The following ADAMTS12 variants were observed in gnomAD, a reference collection of about 807,000 sequenced individuals.
ADAMTS12 encodes the protein A disintegrin and metalloproteinase with thrombospondin motifs 12.
In ADAMTS12, 118 loss-of-function variants were observed where a neutral mutation model predicts 167.8. The observed-to-expected ratio is 0.70, with a 90% CI of 0.61 to 0.82. ADAMTS12 has a LOEUF of 0.82. ADAMTS12 is among the 40% of genes least tolerant of loss of function. The probability of loss-of-function intolerance (pLI) is 0.00; values close to 1 mark genes in which losing one functional copy is unlikely to be tolerated. For missense variants in ADAMTS12, 1,916 were observed against 1,998.8 expected, an observed-to-expected ratio of 0.96 and a Z score of 0.79; for synonymous variants, 704 against 716.9, an observed-to-expected ratio of 0.98 and a Z score of 0.29.
intron 19 of ADAMTS12, among the ~76,000 whole-genome samples, chr5:33,573,862 A>G (rs1746522147): frequency 6.6e-6 from 1 of 152,242 alleles, no homozygotes; most frequent in Non-Finnish European, 1.5e-5. Context: ...CAAAGGGCTA[A>G]TATCCAGAAT....
chr5:33,710,740 T>A (rs1743370051), intron 3 of ADAMTS12, among the ~76,000 whole-genome samples: 2 of 152,136 alleles, frequency 1.3e-5, no homozygotes, highest in African/African-American at 4.8e-5. Flanking sequence ...GATAGCATGA[T>A]CTAGAAGCAT....
chr5:33,576,999 A>G lies in ADAMTS12; in HGVS notation c.3027T>C (p.Thr1009=). Residue 1009 remains threonine (T), a synonymous_variant, in exon 19 of 24, where the codon ACT becomes ACC. Coordinates refer to ENST00000504830, the MANE Select transcript of ADAMTS12 (RefSeq NM_030955.4). The stretch of plus-strand genomic sequence containing the variant: ...TTGGTGGGTTTTTTCCATTGGAAAT[A>G]GTGCCTTTGTTTGGTTTCAGAACTC... ...SRRVLKPNKG[T]ISNGKNPPTL... is the part of the protein sequence containing the mutation. 1 of 1,614,192 alleles carries G rather than the reference A, an allele frequency of 6.2e-7. No individual in the cohort carries two copies. The highest frequency in any genetic ancestry group is 8.5e-7 in the Non-Finnish European group (1 of 1,180,044).
Position 33,891,881 on chromosome 5 carries a change from A to T in ADAMTS12, c.-25T>A. On this transcript the variant is annotated 5_prime_UTR_variant, in exon 1 of 24. Transcript: ENST00000504830. The stretch of plus-strand genomic sequence containing the variant: ...TGATTCAGATGTTGAGGAGAAGAAA[A>T]GTCAAAAAAGTTTTAGCCCTCAGCT... 1 of 1,605,756 alleles carries T rather than the reference A, an allele frequency of 6.2e-7. No individual in the cohort carries two copies. The highest frequency in any genetic ancestry group is 8.5e-7 in the Non-Finnish European group (1 of 1,176,476).
chr5:33,641,761 C>T lies in ADAMTS12; in HGVS notation c.1718+49G>A, dbSNP rs368213807. The T allele has an allele frequency of 1.5e-5, 22 of 1,490,736 alleles. No homozygotes were observed. The East Asian group carries it at 1.9e-4, about 13-fold the overall frequency. 92.3% of individuals were successfully genotyped at this position (1,490,736 alleles called of 1,614,324 possible). On this transcript the variant is annotated intron_variant, in intron 11 of 23. Transcript: ENST00000504830. ...TGCCATTCAAGACTGCCCCCCATCC[C>T]GCCCCCAGCACATGTGGAGAGAAGG...
At chr5:33,592,421 G>C (rs999838616) in intron 17 of ADAMTS12, among the ~76,000 whole-genome samples, 5 of 152,180 alleles carry the variant, frequency 3.3e-5, no homozygotes, top group Non-Finnish European at 2.9e-5. Flanking sequence ...GAGGTTTATT[G>C]AGTACTTTGG....
intron 11 of ADAMTS12, among the ~76,000 whole-genome samples, chr5:33,640,692 TA>T (rs1383117377): frequency 2.6e-5 from 4 of 152,084 alleles, no homozygotes; most frequent in African/African-American, 9.7e-5. Context: ...TGCATGCTTA[TA>T]AATGTGGTAA....
intron 2 of ADAMTS12, among the ~76,000 whole-genome samples, chr5:33,817,882 T>G (rs1485729472): frequency 6.6e-6 from 1 of 152,188 alleles, no homozygotes; most frequent in Non-Finnish European, 1.5e-5. Context: ...ATCATGTAAA[T>G]CTTTCCATAG....
chr5:33,778,497 T>C (rs1314360220), intron 2 of ADAMTS12, among the ~76,000 whole-genome samples: 4 of 149,418 alleles, frequency 2.7e-5, no homozygotes, highest in East Asian at 1.9e-4. Context: ...TGAAGCCTTA[T>C]CTCATACCAT....
intron 18 of ADAMTS12, among the ~76,000 whole-genome samples, chr5:33,583,085 ATTCT>A (rs1489374411): frequency 3.8e-5 from 2 of 52,128 alleles, no homozygotes; most frequent in Admixed American, 5.2e-4. Context: ...GGTCTTATTC[ATTCT>A]TTCTATTTTT....
At chr5:33,743,555 T>C (rs571596272) in intron 3 of ADAMTS12, among the ~76,000 whole-genome samples, 1 of 152,322 alleles carries the variant, frequency 6.6e-6, no homozygotes, top group Admixed American at 6.5e-5. Context: ...CTCTCAGGCC[T>C]CCATCTCTAC....
At chr5:33,623,937 G>T (rs147837651) in intron 14 of ADAMTS12, among the ~76,000 whole-genome samples, 1 of 152,160 alleles carries the variant, frequency 6.6e-6, no homozygotes, top group Non-Finnish European at 1.5e-5. Flanking sequence ...GTTCCCAAAG[G>T]GGATCCTCTC....
rs781638029 is a variant in ADAMTS12, at chr5:33,630,912, T to C, written c.1890A>G (p.Ala630=). ...LYHWFPIFNP[A]HPCELYCRPI... Reference sequence around the variant, plus strand: ...GTCGGCAGTAGAGCTCACAAGGATGTGCTGAAGGGAAAAAAGAAGGCAAAG... The same window carrying C: ...GTCGGCAGTAGAGCTCACAAGGATGCGCTGAAGGGAAAAAAGAAGGCAAAG... Residue 630 remains alanine (A), a splice_region_variant and synonymous_variant, in exon 13 of 24, where the codon GCA becomes GCG. Coordinates refer to ENST00000504830, the MANE Select transcript of ADAMTS12 (RefSeq NM_030955.4). 6.2e-7 allele frequency: 1 copy of C among 1,611,838 alleles called. No homozygotes were observed. Among genetic ancestry groups the C allele is most frequent in the Non-Finnish European group, 8.5e-7 (1 of 1,178,592 alleles).
Position 33,524,118 on chromosome 5 carries a change from G to GGGAT in ADAMTS12, c.*3066_*3069dup, listed in dbSNP as rs1308867359. The GGGAT allele has an allele frequency of 7.9e-5, 12 of 152,398 alleles. No homozygotes were observed. The highest frequency in any genetic ancestry group is 2.7e-4 in the African/African-American group (11 of 41,444). 9.4% of individuals were successfully genotyped at this position (152,398 alleles called of 1,614,324 possible). ...ACTGACTATCTGAAAGCATCACAGT[G>GGGAT]GGATGTCAGCGGAGACGTGGCTGTC... On this transcript the variant is annotated 3_prime_UTR_variant, in exon 24 of 24. Transcript: ENST00000504830.
intron 3 of ADAMTS12, among the ~76,000 whole-genome samples, chr5:33,740,745 C>T (rs1461240409): frequency 1.3e-5 from 2 of 152,092 alleles, no homozygotes; most frequent in Admixed American, 6.6e-5. Context: ...CCAAGACAGG[C>T]GGTCACAGTG....
chr5:33,619,705 A>G (rs909667389), intron 14 of ADAMTS12, among the ~76,000 whole-genome samples: 1 of 151,554 alleles, frequency 6.6e-6, no homozygotes, highest in African/African-American at 2.4e-5. Context: ...TTATTTATTA[A>G]TTTTTTTTGA....
At chr5:33,579,539 A>C (rs1443650396) in intron 18 of ADAMTS12, among the ~76,000 whole-genome samples, 1 of 145,960 alleles carries the variant, frequency 6.9e-6, no homozygotes, top group African/African-American at 2.5e-5. Context: ...TTACTTGTAC[A>C]CTTTTACAAA....
chr5:33,630,136 A>G (rs1448191013), intron 13 of ADAMTS12, among the ~76,000 whole-genome samples: 1 of 152,218 alleles, frequency 6.6e-6, no homozygotes, highest in Non-Finnish European at 1.5e-5. Context: ...AATTAAAAAC[A>G]CTTTCTCTTT....
intron 16 of ADAMTS12, among the ~76,000 whole-genome samples, chr5:33,607,604 A>T (rs965250677): frequency 1.3e-5 from 2 of 152,120 alleles, no homozygotes; most frequent in Non-Finnish European, 2.9e-5. Flanking sequence ...TTTGGGCTGT[A>T]TGGCCGTTTT....
At chr5:33,852,603 A>C (rs1749255791) in intron 2 of ADAMTS12, among the ~76,000 whole-genome samples, 1 of 152,228 alleles carries the variant, frequency 6.6e-6, no homozygotes, top group East Asian at 1.9e-4. Flanking sequence ...TTAATTGCAG[A>C]ACTATGAAGG....
Sources: allele counts gnomAD v4.1 joint callset (sites outside exome capture counted in the v4.1 genomes callset), GRCh38; gene constraint gnomAD v4.1.1; transcripts MANE v1.5; gene names NCBI Gene and HGNC (gene_info 2026-07-23, HGNC 2026-07-21).